The following TRUB1 variants were observed in gnomAD, a reference collection of about 807,000 sequenced individuals.
TRUB1 encodes the protein TruB pseudouridine synthase family member 1, also known as pseudouridylate synthase TRUB1.
Under a neutral mutation model 33.9 loss-of-function variants are expected in TRUB1, and 23 were observed. The observed-to-expected ratio is 0.68, with a 90% CI of 0.49 to 0.96. TRUB1 has a LOEUF of 0.96. Ranked by LOEUF, TRUB1 falls within the 40% of genes least tolerant of loss-of-function variation. The pLI is 0.00. For missense variants in TRUB1, 378 were observed against 422.2 expected, an observed-to-expected ratio of 0.90 and a Z score of 0.92; for synonymous variants, 163 against 165.4, an observed-to-expected ratio of 0.99 and a Z score of 0.11.
chr10:114,948,834 C>G (rs2084222250), intron 2 of TRUB1, among the ~76,000 whole-genome samples: 1 of 152,210 alleles, frequency 6.6e-6, no homozygotes, highest in Non-Finnish European at 1.5e-5. Context: ...CTAAGACACC[C>G]TGTGTTCAGT....
rs1592056167 is a variant in TRUB1, at chr10:114,977,398, G to A, written c.*2019G>A. On this transcript the variant is annotated 3_prime_UTR_variant, in exon 8 of 8. Transcript: ENST00000298746. ...AATTTATTTAGAGTATTTCTCTATT[G>A]CTGAATACTTAAGTAGTTTTAAATT... 1.3e-5 allele frequency: 2 copies of A among 151,428 alleles called. No homozygotes were observed. Among genetic ancestry groups the A allele is most frequent in the Non-Finnish European group, 3.0e-5 (2 of 67,746 alleles). 9.4% of individuals were successfully genotyped at this position (151,428 alleles called of 1,614,324 possible).
intron 4 of TRUB1, among the ~76,000 whole-genome samples, chr10:114,960,159 T>TAA (rs11437542): frequency 4.0e-5 from 6 of 150,848 alleles, no homozygotes; most frequent in African/African-American, 1.5e-4. Flanking sequence ...GTCTTGCCAT[T>TAA]AAAAAAAAAT....
intron 3 of TRUB1, among the ~76,000 whole-genome samples, chr10:114,955,192 G>T (rs2084256434): frequency 6.6e-6 from 1 of 152,188 alleles, no homozygotes; most frequent in African/African-American, 2.4e-5. Flanking sequence ...GTTGATCTAA[G>T]TATAAAACGT....
chr10:114,970,203 A>G (rs920235317), intron 4 of TRUB1, among the ~76,000 whole-genome samples, 165 bp from the exon 5 acceptor site: 14 of 152,178 alleles, frequency 9.2e-5, no homozygotes, highest in Non-Finnish European at 1.6e-4. Context: ...TTGTTAATGT[A>G]TATTTTATTC....
intron 2 of TRUB1, among the ~76,000 whole-genome samples, chr10:114,947,242 A>G (rs1482849975): frequency 6.6e-6 from 1 of 152,076 alleles, no homozygotes; most frequent in East Asian, 1.9e-4. Context: ...ACCTCCAGAG[A>G]AGAACACGGT....
At chr10:114,957,880 G>T (rs2084268230) in intron 3 of TRUB1, among the ~76,000 whole-genome samples, 1 of 152,166 alleles carries the variant, frequency 6.6e-6, no homozygotes, top group Non-Finnish European at 1.5e-5. Context: ...GCATTTTGAT[G>T]CTTTGCTTTC....
intron 4 of TRUB1, among the ~76,000 whole-genome samples, chr10:114,963,157 G>A (rs755195006): frequency 1.2e-4 from 19 of 152,288 alleles, no homozygotes; most frequent in Non-Finnish European, 2.1e-4. Flanking sequence ...GTCAACAAAG[G>A]TAGAAAGAAA....
intron 5 of TRUB1, 125 bp from the exon 6 acceptor site, chr10:114,972,010 G>A (rs2084338852): frequency 1.9e-6 from 2 of 1,050,656 alleles, no homozygotes; most frequent in Admixed American, 2.9e-5. Flanking sequence ...GATTTTCATT[G>A]TGAAGCACTG....
At chr10:114,944,568 A>C (rs991695752) in intron 2 of TRUB1, among the ~76,000 whole-genome samples, 24 of 152,164 alleles carry the variant, frequency 1.6e-4, no homozygotes, top group African/African-American at 5.8e-4. Context: ...CTGAGGCAGG[A>C]GAATCACTTG....
intron 4 of TRUB1, among the ~76,000 whole-genome samples, chr10:114,966,934 G>A (rs1179073175): frequency 2.0e-5 from 3 of 152,164 alleles, no homozygotes; most frequent in Non-Finnish European, 4.4e-5. Flanking sequence ...TTTCTGGGGT[G>A]TCTATCAAAT....
chr10:114,964,000 C>T (rs1163685835), intron 4 of TRUB1, among the ~76,000 whole-genome samples: 4 of 151,224 alleles, frequency 2.6e-5, no homozygotes, highest in South Asian at 2.1e-4. Context: ...TGCGTGTGCA[C>T]GTGTGTGCCT....
intron 1 of TRUB1, among the ~76,000 whole-genome samples, chr10:114,939,411 G>A (rs2084174879): frequency 6.6e-6 from 1 of 152,182 alleles, no homozygotes; most frequent in Non-Finnish European, 1.5e-5. Context: ...TGCACCTTGT[G>A]GTGGTAAAAC....
chr10:114,975,529 A>T lies in TRUB1; in HGVS notation c.*150A>T. Reference sequence around the variant, plus strand: ...CTATCATTTACAGTTTCAATAGCACATAATTTATTTTCTATGCATTATAAA... The same window carrying T: ...CTATCATTTACAGTTTCAATAGCACTTAATTTATTTTCTATGCATTATAAA... On this transcript the variant is annotated 3_prime_UTR_variant, in exon 8 of 8. Coordinates refer to ENST00000298746, the MANE Select transcript of TRUB1 (RefSeq NM_139169.5). 1 of 747,644 alleles carries T rather than the reference A, an allele frequency of 1.3e-6. No individual in the cohort carries two copies. The highest frequency in any genetic ancestry group is 2.0e-6 in the Non-Finnish European group (1 of 491,324). 46.3% of individuals were successfully genotyped at this position (747,644 alleles called of 1,614,324 possible).
chr10:114,956,545 A>G (rs2084262412), intron 3 of TRUB1, among the ~76,000 whole-genome samples: 1 of 152,212 alleles, frequency 6.6e-6, no homozygotes, highest in South Asian at 2.1e-4. Context: ...AAGGATAATT[A>G]TAACTAGATG....
rs773843505 is a variant in TRUB1, at chr10:114,938,320, G to A, written c.67G>A (p.Glu23Lys). Residue 23 changes from glutamate (E) to lysine (K), a missense_variant, in exon 1 of 8, where the codon GAA becomes AAA. By Grantham distance (56) the Glu-to-Lys change is moderately conservative. Coordinates refer to ENST00000298746, the MANE Select transcript of TRUB1 (RefSeq NM_139169.5). ...GAAAACAGACACATCCCCTGTCCTT[G>A]AAACTGCAGGAACGGTCGCAGCAAT... ...SLKTDTSPVL[E>K]TAGTVAAMAA... The A allele has an allele frequency of 5.8e-5, 94 of 1,614,000 alleles. 1 individual carries two copies. The East Asian group carries it at 2.1e-3, about 36-fold the overall frequency.
At chr10:114,954,539 A>G (rs1165344495) in intron 3 of TRUB1, among the ~76,000 whole-genome samples, 1 of 152,188 alleles carries the variant, frequency 6.6e-6, no homozygotes, top group African/African-American at 2.4e-5. Flanking sequence ...CCTCCCATTC[A>G]GATCAGGGTA....
rs747477256 is a variant in TRUB1 at position 114,942,642 on chromosome 10, T to A, written c.287-3T>A. The A allele has an allele frequency of 6.2e-7, 1 of 1,608,200 alleles. No homozygotes were observed. The highest frequency in any genetic ancestry group is 1.7e-5 in the Admixed American group (1 of 59,992). ...CCTTTTTTCATCCCCATTTCTCTCA[T>A]AGAAGCTGGAATGCCTTCTCCAGAA... On this transcript the variant is annotated splice_region_variant and splice_polypyrimidine_tract_variant and intron_variant, in intron 1 of 7. Transcript: ENST00000298746.
At chr10:114,965,022 C>T (rs746774618) in intron 4 of TRUB1, among the ~76,000 whole-genome samples, 54 of 151,580 alleles carry the variant, frequency 3.6e-4, no homozygotes, top group Middle Eastern at 3.4e-3. Context: ...CTCCGCCTCC[C>T]GGGTTCATGC....
At chr10:114,974,081 T>G (rs925656112) in intron 6 of TRUB1, among the ~76,000 whole-genome samples, 4 of 152,184 alleles carry the variant, frequency 2.6e-5, no homozygotes, top group African/African-American at 9.6e-5. Context: ...AGTATTAAAG[T>G]GGTATGCCTT....
Sources: allele counts gnomAD v4.1 joint callset (sites outside exome capture counted in the v4.1 genomes callset), GRCh38; gene constraint gnomAD v4.1.1; transcripts MANE v1.5; gene names NCBI Gene and HGNC (gene_info 2026-07-23, HGNC 2026-07-21).